The following KLK7 variants were observed in gnomAD, a reference collection of about 807,000 sequenced individuals.
The protein encoded by KLK7 is kallikrein related peptidase 7, also known as kallikrein-7.
KLK7 carries 17 observed loss-of-function variants against 21.0 expected under a neutral mutation model. The ratio of observed to expected loss-of-function variants is 0.81; its 90% CI spans 0.55 to 1.21. KLK7 has a LOEUF of 1.21. KLK7 is among the 50% of genes most tolerant of loss of function. The probability of loss-of-function intolerance (pLI) is 0.00; values close to 1 mark genes in which losing one functional copy is unlikely to be tolerated. For synonymous variants in KLK7, 151 were observed against 134.6 expected, an observed-to-expected ratio of 1.12 and a Z score of -0.85; for missense variants, 330 against 322.8, an observed-to-expected ratio of 1.02 and a Z score of -0.17.
Position 50,982,229 on chromosome 19 carries a change from A to C in KLK7, c.73+98T>G, listed in dbSNP as rs79909466. 1,415 of 1,464,346 alleles carry C rather than the reference A, an allele frequency of 9.7e-4. 15 individuals carry two copies. In the African/African-American group the frequency reaches 0.017, roughly 17 times the overall value. 90.7% of individuals were successfully genotyped at this position (1,464,346 alleles called of 1,614,324 possible). A position where few individuals can be genotyped will look rare whatever the true frequency, so the allele number is the denominator to read the frequency against. The stretch of plus-strand genomic sequence containing the variant: ...CGACAGTCTGGTCCTCCCAGGATGG[A>C]AGCTGTTTGAGGAGGGAAGGGTTCT... On this transcript the variant is annotated intron_variant, in intron 2 of 5. Transcript: ENST00000595820.
intron 5 of KLK7, 52 bp downstream of exon 5, chr19:50,979,736 C>T: frequency 6.5e-7 from 1 of 1,538,062 alleles, no homozygotes; most frequent in Non-Finnish European, 8.8e-7. Flanking sequence ...GTCCCTGGGG[C>T]ATGCAGACAG....
intron 5 of KLK7, among the ~76,000 whole-genome samples, chr19:50,978,980 T>G (rs897096437): frequency 1.3e-5 from 2 of 148,630 alleles, no homozygotes; most frequent in African/African-American, 5.0e-5. Context: ...GAGGAGGGCA[T>G]GGAGAGAGAA....
upstream of KLK7, chr19:50,983,950 C>A (rs1450793333): frequency 1.6e-6 from 2 of 1,286,044 alleles, no homozygotes; most frequent in South Asian, 2.5e-5. Flanking sequence ...TTATATCACC[C>A]CCCGCCCCAT....
chr19:50,979,272 A>G (rs972456601), intron 5 of KLK7, among the ~76,000 whole-genome samples: 1 of 152,216 alleles, frequency 6.6e-6, no homozygotes, highest in Non-Finnish European at 1.5e-5. Flanking sequence ...AATGTAATAC[A>G]TAAAACTGCA....
At chr19:50,980,561 G>A in intron 3 of KLK7, 74 bp from the exon 4 acceptor site, 1 of 1,587,674 alleles carries the variant, frequency 6.3e-7, no homozygotes, top group East Asian at 2.2e-5. Context: ...TGGGGGACGG[G>A]GTGGGGACAG....
intron 1 of KLK7, 88 bp downstream of exon 1, chr19:50,983,763 A>G (rs1369894155): frequency 3.2e-6 from 4 of 1,268,806 alleles, no homozygotes; most frequent in South Asian, 1.3e-5. Context: ...TCTAGGCTGC[A>G]GCCCCTACCT....
Position 50,977,373 on chromosome 19 carries a change from T to G in KLK7, c.*163A>C. On this transcript the variant is annotated 3_prime_UTR_variant, in exon 6 of 6. Transcript: ENST00000595820. ...TTTGTGTTTCTTTATTTGTTTTGGT[T>G]TTAGGTCTTTACCAATTTGATTGGT... 1 of 683,350 alleles carries G rather than the reference T, an allele frequency of 1.5e-6. No homozygotes were observed. Among genetic ancestry groups the G allele is most frequent in the Non-Finnish European group, 2.5e-6 (1 of 404,092 alleles). 42.3% of individuals were successfully genotyped at this position (683,350 alleles called of 1,614,324 possible).
intron 5 of KLK7, among the ~76,000 whole-genome samples, chr19:50,978,401 A>T (rs1427828105): frequency 6.6e-6 from 1 of 151,690 alleles, no homozygotes; most frequent in Non-Finnish European, 1.5e-5. Context: ...AGAGAGTTGG[A>T]GGTGGAGAAG....
At chr19:50,980,617 G>A in intron 3 of KLK7, 130 bp from the exon 4 acceptor site, 1 of 1,050,596 alleles carries the variant, frequency 9.5e-7, no homozygotes, top group Non-Finnish European at 1.4e-6. Flanking sequence ...GAGAGGAGGG[G>A]AGACAGAGAC....
At chr19:50,980,812 G>GT in intron 3 of KLK7, among the ~76,000 whole-genome samples, 1 of 121,316 alleles carries the variant, frequency 8.2e-6, no homozygotes, top group South Asian at 3.1e-4. Flanking sequence ...AGAGGAGAGG[G>GT]GACAGAGACC....
intron 1 of KLK7, among the ~76,000 whole-genome samples, chr19:50,983,034 A>G (rs1438676391): frequency 7.7e-3 from 30 of 3,894 alleles, no homozygotes; most frequent in African/African-American, 8.4e-3. Context: ...CCAGGCCCCA[A>G]CCCCTCCTCC....
chr19:50,978,112 G>A (rs556036535), intron 5 of KLK7, among the ~76,000 whole-genome samples: 4 of 152,310 alleles, frequency 2.6e-5, no homozygotes, highest in African/African-American at 9.6e-5. Context: ...GGTGCAAAAC[G>A]AAAATGCAGG....
At chr19:50,981,615 C>G in intron 3 of KLK7, 152 bp downstream of exon 3, 1 of 675,172 alleles carries the variant, frequency 1.5e-6, no homozygotes, top group East Asian at 2.9e-5. Flanking sequence ...GGACAGAGCC[C>G]CAGGGAGAGG....
At position 50,979,813 on chromosome 19, in the gene KLK7, G is replaced by A; in HGVS notation, c.581C>T (p.Pro194Leu). The A allele has an allele frequency of 6.3e-7, 1 of 1,574,828 alleles. No individual in the cohort carries two copies. Among genetic ancestry groups the A allele is most frequent in the Non-Finnish European group, 8.6e-7 (1 of 1,159,090 alleles). ...LENSMLCAGI[P>L]DSKKNACNGD... ...ATTGCAGGCGTTTTTCTTGGAGTCG[G>A]GGATGCCAGCGCACAGCATGGAATT... is the stretch of plus-strand genomic sequence containing the variant. Residue 194 changes from proline to leucine, a missense_variant, in exon 5 of 6, where the codon CCC (proline) becomes CTC (leucine). Transcript: ENST00000595820.
chr19:50,981,489 G>A (rs959616623), intron 3 of KLK7, among the ~76,000 whole-genome samples: 23 of 127,730 alleles, frequency 1.8e-4, no homozygotes, highest in African/African-American at 5.9e-4. Flanking sequence ...AGAGAGGAGG[G>A]GGAACAGAGA....
chr19:50,980,235 C>A lies in KLK7; in HGVS notation c.469+5G>T, dbSNP rs1367747917. On this transcript the variant is annotated splice_donor_5th_base_variant and intron_variant, in intron 4 of 5. Transcript: ENST00000595820. ...CTGCACTCCTGGGTCACTGAGGCCA[C>A]CTACCATCTGGGCTCGTGGTAGTGC... 1 of 1,613,480 alleles carries A rather than the reference C, an allele frequency of 6.2e-7. No individual in the cohort carries two copies. The highest frequency in any genetic ancestry group is 1.3e-5 in the African/African-American group (1 of 74,930).
At chr19:50,978,770 C>G (rs1351463729) in intron 5 of KLK7, among the ~76,000 whole-genome samples, 3 of 120,680 alleles carry the variant, frequency 2.5e-5, no homozygotes, top group South Asian at 5.3e-4. Context: ...AAGAGAGAGA[C>G]AGTAAAAAGG....
In KLK7 at chr19:50,977,679, C is replaced by T; in HGVS notation, c.619G>A (p.Gly207Arg). 6.2e-7 allele frequency: 1 copy of T among 1,613,120 alleles called. No individual in the cohort carries two copies. Among genetic ancestry groups the T allele is most frequent in the Non-Finnish European group, 8.5e-7 (1 of 1,179,908 alleles). ...AGGGTACCTCTGCACACCAACGGTC[C>T]CCCTGAGTCACCCTAGAGGGAATAG... ...KKNACNGDSG[G>R]PLVCRGTLQG... Residue 207 changes from glycine (G) to arginine (R), a missense_variant, in exon 6 of 6, where the codon GGA (glycine) becomes AGA (arginine). By Grantham distance (125) the Gly-to-Arg change is moderately radical (BLOSUM62 -2). Coordinates refer to ENST00000595820, the MANE Select transcript of KLK7 (RefSeq NM_005046.4).
Position 50,979,739 on chromosome 19 carries a change from G to A in KLK7, c.606+49C>T, listed in dbSNP as rs997833019. 8 of 1,542,990 alleles carry A rather than the reference G, an allele frequency of 5.2e-6. No individual in the cohort carries two copies. In the African/African-American group the frequency reaches 8.2e-5, roughly 16 times the overall value. On this transcript the variant is annotated intron_variant, in intron 5 of 5. Coordinates refer to ENST00000595820, the MANE Select transcript of KLK7 (RefSeq NM_005046.4). ...GGGTCAAGCTCTGTCCCTGGGGCAT[G>A]CAGACAGGGTACCCAGGACTGGGGA...
Sources: allele counts gnomAD v4.1 joint callset (sites outside exome capture counted in the v4.1 genomes callset), GRCh38; gene constraint gnomAD v4.1.1; transcripts MANE v1.5; gene names NCBI Gene and HGNC (gene_info 2026-07-23, HGNC 2026-07-21).